UNC13C: variants seen among roughly 807,000 people sequenced by gnomAD.
The protein encoded by UNC13C is unc-13 homolog C, also known as protein unc-13 homolog C.
UNC13C carries 174 observed loss-of-function variants against 245.4 expected under a neutral mutation model. That is an observed-to-expected ratio of 0.71 (90% confidence interval 0.63 to 0.80). The LOEUF is 0.80. Ranked by LOEUF, UNC13C falls within the 30% of genes least tolerant of loss-of-function variation. The pLI is 0.00. For synonymous variants in UNC13C, 992 were observed against 895.1 expected, an observed-to-expected ratio of 1.11 and a Z score of -1.93; for missense variants, 2,829 against 2,602.9, an observed-to-expected ratio of 1.09 and a Z score of -1.89.
At chr15:54,438,492 C>A (rs1378456628) in intron 19 of UNC13C, among the ~76,000 whole-genome samples, 2 of 151,938 alleles carry the variant, frequency 1.3e-5, no homozygotes, top group Non-Finnish European at 2.9e-5. Context: ...CTGCTCTAGT[C>A]AACATAAGGA....
intron 19 of UNC13C, among the ~76,000 whole-genome samples, chr15:54,446,684 T>C (rs2140999335): frequency 6.6e-6 from 1 of 152,290 alleles, no homozygotes; most frequent in East Asian, 1.9e-4. Flanking sequence ...CTTAAGGAGA[T>C]TTTGGGCTGA....
intron 18 of UNC13C, among the ~76,000 whole-genome samples, chr15:54,410,744 G>A (rs1289279723): frequency 6.6e-6 from 1 of 152,076 alleles, no homozygotes; most frequent in African/African-American, 2.4e-5. Flanking sequence ...GTATCATGCT[G>A]TTATGGTTAC....
the UNC13C span, among the ~76,000 whole-genome samples, chr15:53,837,821 A>T: frequency 6.6e-6 from 1 of 152,230 alleles, no homozygotes; most frequent in Non-Finnish European, 1.5e-5. Context: ...TCTTTTCCCT[A>T]CTGGTTTGAA....
chr15:54,022,272 T>C (rs548561461), intron 2 of UNC13C, among the ~76,000 whole-genome samples: 8 of 152,202 alleles, frequency 5.3e-5, no homozygotes, highest in Non-Finnish European at 1.0e-4. Context: ...TTGATCGTCA[T>C]TGAAACAGGT....
intron 30 of UNC13C, among the ~76,000 whole-genome samples, chr15:54,569,055 C>T (rs772444162): frequency 6.6e-6 from 1 of 152,160 alleles, no homozygotes; most frequent in East Asian, 1.9e-4. Context: ...TGAATGCATG[C>T]TCATGCTCCC....
chr15:54,549,606 G>A, intron 27 of UNC13C, 29 bp from the exon 28 acceptor site: 1 of 1,551,336 alleles, frequency 6.4e-7, no homozygotes, highest in Non-Finnish European at 8.8e-7. Context: ...TTAAGACTGA[G>A]TCTTCTCTCA....
chr15:53,965,195 C>A, the UNC13C span, among the ~76,000 whole-genome samples: 4 of 152,106 alleles, frequency 2.6e-5, no homozygotes, highest in Non-Finnish European at 4.4e-5. Context: ...AAAAAGTAGG[C>A]AAATTATTAT....
the UNC13C span, among the ~76,000 whole-genome samples, chr15:53,853,952 C>A: frequency 6.6e-6 from 1 of 151,998 alleles, no homozygotes; most frequent in Admixed American, 6.6e-5. Flanking sequence ...ATTGTCTGTT[C>A]ACTCAGATTA....
intron 22 of UNC13C, among the ~76,000 whole-genome samples, chr15:54,501,887 G>C (rs1401914158): frequency 1.3e-5 from 2 of 152,172 alleles, no homozygotes; most frequent in Admixed American, 1.3e-4. Context: ...AACAACCCTT[G>C]TGGGGAGAAG....
chr15:54,399,089 A>C (rs541951546), intron 18 of UNC13C, among the ~76,000 whole-genome samples: 12 of 151,696 alleles, frequency 7.9e-5, no homozygotes, highest in Non-Finnish European at 1.3e-4. Flanking sequence ...AATAAATCAA[A>C]AGATCTTTAT....
intron 17 of UNC13C, among the ~76,000 whole-genome samples, chr15:54,351,638 G>A (rs1469878816): frequency 6.6e-6 from 1 of 152,054 alleles, no homozygotes; most frequent in Non-Finnish European, 1.5e-5. Flanking sequence ...GAGGCAGTAT[G>A]GTGGAGTATA....
intron 2 of UNC13C, among the ~76,000 whole-genome samples, chr15:54,108,023 A>AG (rs1157187122): frequency 1.3e-5 from 2 of 152,192 alleles, no homozygotes; most frequent in East Asian, 3.9e-4. Context: ...AGAGAAAAAA[A>AG]CATACTTTAG....
At chr15:54,471,696 G>T (rs1892469869) in intron 19 of UNC13C, among the ~76,000 whole-genome samples, 1 of 151,138 alleles carries the variant, frequency 6.6e-6, no homozygotes. Context: ...AAAATTGTTG[G>T]TATACACTTG....
rs138749804 is a variant in UNC13C, at chr15:54,197,395, G to A, written c.3072-37635G>A. ...CAGGAATCACTTGAACCCAGGAGGC[G>A]GAGGTTGCAGTGAGCCAAGATCACA... On this transcript the variant is annotated intron_variant, in intron 4 of 32. Coordinates refer to ENST00000260323, the MANE Select transcript of UNC13C (RefSeq NM_001080534.3). Among the ~76,000 whole-genome samples the A allele has an allele frequency of 9.8e-3, 1,485 of 151,886 alleles. 26 individuals carry two copies. The highest frequency in any genetic ancestry group is 0.034 in the African/African-American group (1,409 of 41,430).
intron 26 of UNC13C, among the ~76,000 whole-genome samples, chr15:54,538,904 T>C (rs1037274253): frequency 2.0e-5 from 3 of 151,972 alleles, no homozygotes; most frequent in African/African-American, 7.2e-5. Flanking sequence ...ACTATACTTG[T>C]TACCTGGGTG....
chr15:54,469,016 T>C (rs1018162480), intron 19 of UNC13C, among the ~76,000 whole-genome samples: 1 of 151,642 alleles, frequency 6.6e-6, no homozygotes, highest in South Asian at 2.1e-4. Flanking sequence ...AATCTATAGA[T>C]TGATTTTAGC....
chr15:54,290,436 GCA>G (rs1327272520), intron 10 of UNC13C, among the ~76,000 whole-genome samples: 1 of 151,944 alleles, frequency 6.6e-6, no homozygotes, highest in Non-Finnish European at 1.5e-5. Flanking sequence ...AACCAGAAAT[GCA>G]CAGAGACTCA....
Position 54,597,903 on chromosome 15 carries a change from T to G in UNC13C, c.6107-24424T>G, listed in dbSNP as rs370389090. ...TAATGACTTTTTCAAAATTGAGGCATTAAATGTATTCCAGGGATACAAACT... is the reference window on the plus strand; with the variant it reads ...TAATGACTTTTTCAAAATTGAGGCAGTAAATGTATTCCAGGGATACAAACT... On this transcript the variant is annotated intron_variant, in intron 30 of 32. Coordinates refer to ENST00000260323, the MANE Select transcript of UNC13C (RefSeq NM_001080534.3). 5.3e-5 allele frequency among the ~76,000 whole-genome samples: 8 copies of G among 152,312 alleles called. No homozygotes were observed. In the South Asian group the frequency reaches 6.2e-4, roughly 12 times the overall value.
chr15:53,939,730 C>T, the UNC13C span, among the ~76,000 whole-genome samples: 1 of 152,060 alleles, frequency 6.6e-6, no homozygotes, highest in African/African-American at 2.4e-5. Flanking sequence ...GAACTAACAA[C>T]AAAAACCACA....
Sources: allele counts gnomAD v4.1 joint callset (sites outside exome capture counted in the v4.1 genomes callset), GRCh38; gene constraint gnomAD v4.1.1; transcripts MANE v1.5; gene names NCBI Gene and HGNC (gene_info 2026-07-23, HGNC 2026-07-21).